ZDHHC14: variants seen among roughly 807,000 people sequenced by gnomAD.
The protein encoded by ZDHHC14 is zDHHC palmitoyltransferase 14, also known as palmitoyltransferase ZDHHC14.
Under a neutral mutation model 47.7 loss-of-function variants are expected in ZDHHC14, and 16 were observed. The ratio of observed to expected loss-of-function variants is 0.34; its 90% CI spans 0.23 to 0.51. The LOEUF (loss-of-function observed/expected upper bound fraction) is 0.51, where lower values mean the gene tolerates loss of function less well. Ranked by LOEUF, ZDHHC14 falls within the 20% of genes least tolerant of loss-of-function variation. The pLI, the probability that ZDHHC14 is intolerant of heterozygous loss-of-function variation, is 0.97. For synonymous variants in ZDHHC14, 293 were observed against 278.9 expected, an observed-to-expected ratio of 1.05 and a Z score of -0.50; for missense variants, 515 against 662.5, an observed-to-expected ratio of 0.78 and a Z score of 2.44.
At chr6:157,382,602 G>A (rs1286471264) in intron 1 of ZDHHC14, among the ~76,000 whole-genome samples, 1 of 152,172 alleles carries the variant, frequency 6.6e-6, no homozygotes, top group East Asian at 1.9e-4. Flanking sequence ...TGGGGACCCA[G>A]CAAATCAGCC....
intron 8 of ZDHHC14, among the ~76,000 whole-genome samples, chr6:157,656,866 G>GCT (rs1319306836): frequency 3.3e-5 from 5 of 152,110 alleles, no homozygotes; most frequent in Non-Finnish European, 7.4e-5. Flanking sequence ...GGACCTGGAA[G>GCT]CAGAGCCTCT....
chr6:157,482,745 ATT>A (rs201329274), intron 1 of ZDHHC14, among the ~76,000 whole-genome samples: 64 of 135,560 alleles, frequency 4.7e-4, no homozygotes, highest in South Asian at 1.4e-3. Context: ...TGTCAAAATC[ATT>A]TTTTTTTTTT....
chr6:157,416,691 A>G (rs1305397176), intron 1 of ZDHHC14, among the ~76,000 whole-genome samples: 1 of 150,400 alleles, frequency 6.6e-6, no homozygotes, highest in Non-Finnish European at 1.5e-5. Flanking sequence ...AAAAAAAAAA[A>G]AAAAAGATAA....
intron 1 of ZDHHC14, among the ~76,000 whole-genome samples, chr6:157,495,797 C>T (rs917921253): frequency 1.3e-5 from 2 of 150,670 alleles, no homozygotes; most frequent in African/African-American, 4.9e-5. Context: ...CTCCGCCTCC[C>T]GGCTTCAAGC....
At chr6:157,399,184 T>A (rs1777581678) in intron 1 of ZDHHC14, among the ~76,000 whole-genome samples, 1 of 127,064 alleles carries the variant, frequency 7.9e-6, no homozygotes, top group South Asian at 2.8e-4. Flanking sequence ...TTTTTCCGTA[T>A]CTTCATAAAT....
intron 1 of ZDHHC14, among the ~76,000 whole-genome samples, chr6:157,497,448 T>C (rs146239745): frequency 0.011 from 1,694 of 152,320 alleles, 37 homozygotes; most frequent in African/African-American, 0.038. Flanking sequence ...TGGTAATAGT[T>C]TGCAATGACG....
At chr6:157,452,690 ATTTTTTTT>A (rs747862336) in intron 1 of ZDHHC14, among the ~76,000 whole-genome samples, 2 of 72,958 alleles carry the variant, frequency 2.7e-5, no homozygotes, top group Non-Finnish European at 4.8e-5. Flanking sequence ...ATACATGGGG[ATTTTTTTT>A]TTTTTTTTTT....
intron 1 of ZDHHC14, among the ~76,000 whole-genome samples, chr6:157,517,715 C>A (rs1249119345): frequency 6.6e-6 from 1 of 152,174 alleles, no homozygotes; most frequent in Non-Finnish European, 1.5e-5. Context: ...CAGGTTCAGT[C>A]CTGAGTAAAG....
intron 3 of ZDHHC14, among the ~76,000 whole-genome samples, chr6:157,599,874 G>A (rs2114904916): frequency 6.6e-6 from 1 of 152,324 alleles, no homozygotes; most frequent in Non-Finnish European, 1.5e-5. Context: ...ATATAGGTGA[G>A]ATGGTTTTCT....
chr6:157,445,861 C>A (rs931963347), intron 1 of ZDHHC14, among the ~76,000 whole-genome samples: 23 of 151,912 alleles, frequency 1.5e-4, no homozygotes, highest in Admixed American at 1.5e-3. Context: ...GTTATGAAAC[C>A]GAGGCATCAA....
At chr6:157,464,443 T>A (rs1779161413) in intron 1 of ZDHHC14, among the ~76,000 whole-genome samples, 1 of 152,228 alleles carries the variant, frequency 6.6e-6, no homozygotes, top group South Asian at 2.1e-4. Flanking sequence ...AATTAGATAA[T>A]TCCTGATTAG....
rs547272532 is a variant in ZDHHC14 at position 157,640,641 on chromosome 6, C to T, written c.753-5096C>T. Among the ~76,000 whole-genome samples the T allele has an allele frequency of 2.0e-5, 3 of 152,338 alleles. No individual in the cohort carries two copies. The South Asian group carries it at 6.2e-4, about 32-fold the overall frequency. On this transcript the variant is annotated intron_variant, in intron 5 of 8. Transcript: ENST00000359775. Reference sequence around the variant, plus strand: ...CAGAGCTGGAGCCCAGTTCTCCCAACTACCACCCTCCCTCCCACCAGGGGA... The same window carrying T: ...CAGAGCTGGAGCCCAGTTCTCCCAATTACCACCCTCCCTCCCACCAGGGGA...
At position 157,585,753 on chromosome 6, in the gene ZDHHC14, C is replaced by T. The variant is rs541757303; in HGVS notation, c.407-7235C>T. Among the ~76,000 whole-genome samples, 9 of 152,338 alleles carry T rather than the reference C, an allele frequency of 5.9e-5. No individual in the cohort carries two copies. In the East Asian group the frequency reaches 7.7e-4, roughly 13 times the overall value. On this transcript the variant is annotated intron_variant, in intron 2 of 8. Coordinates refer to ENST00000359775, the MANE Select transcript of ZDHHC14 (RefSeq NM_024630.3). The stretch of plus-strand genomic sequence containing the variant: ...GAGGTACACAGCTGGCCTTCTCAGC[C>T]GGCCCTTTTTGGGGGTGCTACCTGG...
intron 7 of ZDHHC14, among the ~76,000 whole-genome samples, chr6:157,649,309 G>GCTTTTATTGGGTGA (rs1430723522): frequency 8.5e-5 from 13 of 152,332 alleles, no homozygotes; most frequent in African/African-American, 2.9e-4. Context: ...GGTGAAGGCA[G>GCTTTTATTGGGTGA]AGCAAGACAA....
At chr6:157,576,220 T>C (rs899225969) in intron 2 of ZDHHC14, among the ~76,000 whole-genome samples, 4 of 152,264 alleles carry the variant, frequency 2.6e-5, no homozygotes, top group Non-Finnish European at 5.9e-5. Flanking sequence ...CCTTGCCTTT[T>C]CTTGAGTCTT....
chr6:157,588,039 G>A (rs545614737), intron 2 of ZDHHC14, among the ~76,000 whole-genome samples: 2 of 152,290 alleles, frequency 1.3e-5, no homozygotes, highest in African/African-American at 4.8e-5. Flanking sequence ...CGGGCCACCT[G>A]AGGTCAGGAG....
chr6:157,622,304 T>C (rs947881115), intron 3 of ZDHHC14, among the ~76,000 whole-genome samples: 1 of 151,308 alleles, frequency 6.6e-6, no homozygotes, highest in Non-Finnish European at 1.5e-5. Flanking sequence ...GCAGGAGATA[T>C]CGCTTGAACC....
chr6:157,461,759 C>G (rs1374433502), intron 1 of ZDHHC14, among the ~76,000 whole-genome samples: 1 of 152,194 alleles, frequency 6.6e-6, no homozygotes, highest in Non-Finnish European at 1.5e-5. Context: ...GTGATACCCT[C>G]TCCACCCTGT....
intron 3 of ZDHHC14, among the ~76,000 whole-genome samples, chr6:157,611,001 C>T (rs1003878858): frequency 1.3e-5 from 2 of 152,134 alleles, no homozygotes; most frequent in Admixed American, 6.5e-5. Flanking sequence ...TGAATAAATG[C>T]ACATTTTTGT....
Sources: gnomAD v4.1 joint callset for allele counts (sites outside exome capture counted in the v4.1 genomes callset) on GRCh38, gnomAD v4.1.1 for gene constraint, MANE v1.5 for transcripts, NCBI Gene and HGNC (gene_info 2026-07-23, HGNC 2026-07-21) for gene names.